Variants in PACS1 observed in about 807,000 individuals in gnomAD.
PACS1 encodes the protein phosphofurin acidic cluster sorting protein 1, also known as PACS-1.
A neutral mutation model predicts 115.0 loss-of-function variants in PACS1; 24 were observed. The ratio of observed to expected loss-of-function variants is 0.21; its 90% confidence interval spans 0.15 to 0.29. The LOEUF is 0.29. Among genes scored for constraint, PACS1 ranks in the 10% least tolerant of loss-of-function variants. The pLI is 1.00. For synonymous variants in PACS1, 453 were observed against 504.5 expected, an observed-to-expected ratio of 0.90 and a Z score of 1.37; for missense variants, 838 against 1,251.2, an observed-to-expected ratio of 0.67 and a Z score of 4.98.
In PACS1 at chr11:66,233,200, G is replaced by C. The variant is rs562166456; in HGVS notation, c.1838+134G>C. 2.5e-4 allele frequency: 161 copies of C among 646,412 alleles called. No individual in the cohort carries two copies. The highest frequency in any genetic ancestry group is 1.0e-3 in the Admixed American group (37 of 36,572). The allele number at this position is 646,412 out of a possible 1,614,324, so 40.0% of individuals were successfully genotyped here. A position where few individuals can be genotyped will look rare whatever the true frequency, so the allele number is the denominator to read the frequency against. The stretch of plus-strand genomic sequence containing the variant: ...AATTTGCAGAGGGGCGTATGTTTAG[G>C]GGGGTGGCGGCAGCAGGCTGTAGGG... On this transcript the variant is annotated intron_variant, in intron 15 of 23. Transcript: ENST00000320580. This position sits in a 1 kb window ranked among gnomAD's most constrained non-coding sequence, Gnocchi z 4.5.
chr11:66,126,944 A>G (rs1226373137), intron 1 of PACS1, among the ~76,000 whole-genome samples: 1 of 152,150 alleles, frequency 6.6e-6, no homozygotes, highest in Non-Finnish European at 1.5e-5. Flanking sequence ...CAAAGCAGGA[A>G]GAAGGGGAGG....
At chr11:66,232,793 C>G (rs202121412) in intron 14 of PACS1, among the ~76,000 whole-genome samples, 167 bp from the exon 15 acceptor site, 1 of 152,326 alleles carries the variant, frequency 6.6e-6, no homozygotes, top group Non-Finnish European at 1.5e-5. Flanking sequence ...GGCCCCACCC[C>G]CTCCTTACTG....
chr11:66,199,998 A>G (rs1317019409), intron 2 of PACS1, among the ~76,000 whole-genome samples: 1 of 150,718 alleles, frequency 6.6e-6, no homozygotes, highest in East Asian at 2.0e-4. Context: ...CAACCCAGGC[A>G]ACTGTGCGAG....
At position 66,227,503 on chromosome 11, in the gene PACS1, G is replaced by T; in HGVS notation, c.1294-1G>T. 6.3e-7 allele frequency: 1 copy of T among 1,582,464 alleles called. No individual in the cohort carries two copies. Among genetic ancestry groups the T allele is most frequent in the Non-Finnish European group, 8.7e-7 (1 of 1,154,002 alleles). ...ATAACTAATTCTTATAATTTTTGCAGATGGAATTGGCTGCTCTAGAAAAAA... is the reference window on the plus strand; with the variant it reads ...ATAACTAATTCTTATAATTTTTGCATATGGAATTGGCTGCTCTAGAAAAAA... On this transcript the variant is annotated splice_acceptor_variant, in intron 10 of 23. Coordinates refer to ENST00000320580, the MANE Select transcript of PACS1 (RefSeq NM_018026.4). LOFTEE classifies it high-confidence loss of function.
intron 2 of PACS1, among the ~76,000 whole-genome samples, chr11:66,205,202 C>T (rs960286010): frequency 2.0e-5 from 3 of 152,086 alleles, no homozygotes; most frequent in East Asian, 1.9e-4. Flanking sequence ...CCAGGCTGGT[C>T]TTGAACTCCT....
At chr11:66,110,675 A>G (rs907873516) in intron 1 of PACS1, among the ~76,000 whole-genome samples, 1 of 152,114 alleles carries the variant, frequency 6.6e-6, no homozygotes, top group Admixed American at 6.5e-5. Context: ...TCCTGGGTTC[A>G]AGTGATCCTC....
At chr11:66,229,633 C>T (rs1017062552) in intron 11 of PACS1, among the ~76,000 whole-genome samples, 2 of 151,910 alleles carry the variant, frequency 1.3e-5, no homozygotes, top group Admixed American at 1.3e-4. Context: ...GAGCCGAGAT[C>T]GCGCCACTGC....
chr11:66,080,715 G>T (rs530944282), intron 1 of PACS1, among the ~76,000 whole-genome samples: 1 of 152,310 alleles, frequency 6.6e-6, no homozygotes, highest in South Asian at 2.1e-4. Context: ...GCCCTGTCTG[G>T]TTCTCATAGC....
intron 1 of PACS1, among the ~76,000 whole-genome samples, chr11:66,078,467 C>A (rs1489460379): frequency 6.6e-6 from 1 of 152,172 alleles, no homozygotes; most frequent in African/African-American, 2.4e-5. Flanking sequence ...CCTCTCAAAA[C>A]TTTATTATGA....
intron 11 of PACS1, 40 bp from the exon 12 acceptor site, chr11:66,230,508 G>C: frequency 7.0e-7 from 1 of 1,438,558 alleles, no homozygotes; most frequent in Non-Finnish European, 9.8e-7. Flanking sequence ...TGGTCACTGA[G>C]TGGGAGGTCA....
At chr11:66,181,868 G>A (rs1396881630) in intron 1 of PACS1, among the ~76,000 whole-genome samples, 1 of 152,192 alleles carries the variant, frequency 6.6e-6, no homozygotes, top group African/African-American at 2.4e-5. Context: ...TGGAATTTAA[G>A]TGACTAGGAT....
At chr11:66,221,327 T>C in intron 10 of PACS1, 80 bp downstream of exon 10, 2 of 1,213,988 alleles carry the variant, frequency 1.6e-6, no homozygotes, top group South Asian at 2.4e-5. Flanking sequence ...GCATCTCTGA[T>C]CAGGGCTCAT....
rs1020020892 is a variant in PACS1, at chr11:66,227,557, T to A, written c.1347T>A (p.Asp449Glu). 6.2e-7 allele frequency: 1 copy of A among 1,611,138 alleles called. No homozygotes were observed. Among genetic ancestry groups the A allele is most frequent in the Admixed American group, 1.7e-5 (1 of 59,492 alleles). The change falls in exon 11 of 24, where the codon GAT (aspartate) becomes GAA (glutamate). Residue 449 changes from aspartate (D) to glutamate (E), a missense_variant. Coordinates refer to ENST00000320580, the MANE Select transcript of PACS1 (RefSeq NM_018026.4). ...AATCTACTTGGATTAAAAACCAAGA[T>A]GACAGCTTGACTGAAACAGACACTC... Reference protein sequence around the residue: ...KIKSTWIKNQDDSLTETDTLE... With the variant: ...KIKSTWIKNQEDSLTETDTLE...
At chr11:66,222,976 C>T (rs974670023) in intron 10 of PACS1, among the ~76,000 whole-genome samples, 1 of 149,954 alleles carries the variant, frequency 6.7e-6, no homozygotes, top group South Asian at 2.1e-4. Flanking sequence ...CCCAGCCCTG[C>T]CCCTGCAGAC....
chr11:66,118,914 G>C (rs1317880191), intron 1 of PACS1, among the ~76,000 whole-genome samples: 1 of 151,942 alleles, frequency 6.6e-6, no homozygotes, highest in Non-Finnish European at 1.5e-5. Context: ...AACATTGCTT[G>C]CCCTTGTGAC....
intron 1 of PACS1, among the ~76,000 whole-genome samples, chr11:66,106,646 A>G (rs1275217430): frequency 6.6e-6 from 1 of 151,828 alleles, no homozygotes; most frequent in African/African-American, 2.4e-5. Context: ...GTGGAGGTGA[A>G]GAGGTAGGCT....
chr11:66,083,077 T>G lies in PACS1; in HGVS notation c.356+12235T>G, dbSNP rs140671000. Among the ~76,000 whole-genome samples, 738 of 152,312 alleles carry G rather than the reference T, an allele frequency of 4.8e-3. 8 individuals carry two copies. The highest frequency in any genetic ancestry group is 0.015 in the African/African-American group (609 of 41,560). ...GGCAGTGTAATATGCCTTAAGTCTA[T>G]TGTTTATGAAATTATGTCCTCAGAG... On this transcript the variant is annotated intron_variant, in intron 1 of 23. Coordinates refer to ENST00000320580, the MANE Select transcript of PACS1 (RefSeq NM_018026.4).
At chr11:66,227,266 A>G (rs1855485617) in intron 10 of PACS1, among the ~76,000 whole-genome samples, 2 of 152,162 alleles carry the variant, frequency 1.3e-5, no homozygotes, top group South Asian at 4.1e-4. Context: ...TGGAGTCAGA[A>G]TTTCTGGGTT....
chr11:66,120,847 C>T (rs998229535), intron 1 of PACS1, among the ~76,000 whole-genome samples: 1 of 152,236 alleles, frequency 6.6e-6, no homozygotes, highest in African/African-American at 2.4e-5. Flanking sequence ...CCTCACTTCC[C>T]TGTTCTCCTA....
Sources: gnomAD v4.1 joint callset for allele counts (sites outside exome capture counted in the v4.1 genomes callset) on GRCh38, gnomAD v4.1.1 for gene constraint, Gnocchi (gnomAD v3.1) non-coding constraint, MANE v1.5 for transcripts, NCBI Gene and HGNC (gene_info 2026-07-23, HGNC 2026-07-21) for gene names.